Variants in EPN2 observed in about 807,000 individuals in gnomAD.
The protein encoded by EPN2 is epsin 2.
Under a neutral mutation model 61.7 loss-of-function variants are expected in EPN2, and 34 were observed. That is an observed-to-expected ratio of 0.55 (90% CI 0.42 to 0.73). The LOEUF (loss-of-function observed/expected upper bound fraction) is 0.73. Among genes scored for constraint, EPN2 ranks in the 30% least tolerant of loss-of-function variants. The pLI, the probability that EPN2 is intolerant of heterozygous loss-of-function variation, is 0.00. For missense variants in EPN2, 714 were observed against 839.2 expected, an observed-to-expected ratio of 0.85 and a Z score of 1.84; for synonymous variants, 349 against 353.6, an observed-to-expected ratio of 0.99 and a Z score of 0.15.
In EPN2 at chr17:19,313,180, A is replaced by C. The variant is rs764469123; in HGVS notation, c.1048A>C (p.Lys350Gln). ...ALPSSGPAAQ[K>Q]AEPWGPSAST... ...CCCCAGCTCGGGCCCCGCGGCCCAG[A>C]AAGCAGAGCCCTGGGGCCCGTCAGC... The change falls in exon 7 of 11, where the codon AAA becomes CAA. Residue 350 changes from lysine (K) to glutamine (Q), a missense_variant. Lys to Gln is a moderately conservative substitution (Grantham distance 53). Transcript: ENST00000314728. The C allele has an allele frequency of 3.7e-6, 6 of 1,613,474 alleles. No homozygotes were observed. The highest frequency in any genetic ancestry group is 4.2e-6 in the Non-Finnish European group (5 of 1,179,720).
At chr17:19,319,676 T>A (rs932695917) in intron 7 of EPN2, among the ~76,000 whole-genome samples, 1 of 148,654 alleles carries the variant, frequency 6.7e-6, no homozygotes, top group African/African-American at 2.5e-5. Flanking sequence ...GAGAGAAGGT[T>A]TCCCTCTGTT....
chr17:19,278,366 C>T (rs1319243873), intron 1 of EPN2, among the ~76,000 whole-genome samples: 1 of 152,116 alleles, frequency 6.6e-6, no homozygotes, highest in African/African-American at 2.4e-5. Context: ...CTTACAGTTC[C>T]ACATGCCTGG....
chr17:19,269,189 C>T (rs1268139316), intron 1 of EPN2, among the ~76,000 whole-genome samples: 2 of 152,164 alleles, frequency 1.3e-5, no homozygotes, highest in East Asian at 3.8e-4. Context: ...AGGGCTGGCT[C>T]ATACCTTTTG....
chr17:19,328,764 G>T lies in EPN2; in HGVS notation c.1201G>T (p.Val401Leu). 1 of 1,613,172 alleles carries T rather than the reference G, an allele frequency of 6.2e-7. No homozygotes were observed. Among genetic ancestry groups the T allele is most frequent in the Non-Finnish European group, 8.5e-7 (1 of 1,179,468 alleles). The change falls in exon 8 of 11, where the codon GTA becomes TTA. Residue 401 changes from valine (V) to leucine (L), a missense_variant. Val to Leu is a conservative substitution (Grantham distance 32). Around this residue, in one of 2 missense-constraint regions of EPN2, gnomAD observed 410 missense variants for 421.8 expected, o/e 0.97. Transcript: ENST00000314728. ...ATGGGGGGTGCCCACTGGAGCCACC[G>T]TACAATCTGTCCCCAAGAACTCGGA... ...DPWGVPTGAT[V>L]QSVPKNSDPW... is the part of the protein sequence containing the mutation.
At chr17:19,324,955 G>A (rs1052513555) in intron 7 of EPN2, among the ~76,000 whole-genome samples, 1 of 152,110 alleles carries the variant, frequency 6.6e-6, no homozygotes, top group Non-Finnish European at 1.5e-5. Flanking sequence ...ATTTCATGTC[G>A]GGTGAGAGGC....
chr17:19,258,252 T>C (rs1472719034), intron 1 of EPN2, among the ~76,000 whole-genome samples: 1 of 152,160 alleles, frequency 6.6e-6, no homozygotes, highest in Admixed American at 6.5e-5. Context: ...CTGCTAGCCC[T>C]GTGTGCACTT....
chr17:19,302,772 C>T (rs563029568), intron 4 of EPN2, among the ~76,000 whole-genome samples: 110 of 152,346 alleles, frequency 7.2e-4, no homozygotes, highest in Non-Finnish European at 1.4e-3. Context: ...TCCACTAAAC[C>T]AGTGTCTGGT....
chr17:19,329,385 G>A (rs926611792), intron 8 of EPN2, 176 bp from the exon 9 acceptor site: 10 of 560,240 alleles, frequency 1.8e-5, no homozygotes, highest in East Asian at 5.8e-5. Flanking sequence ...CCCTCCCAGC[G>A]TGCTGGTGAC....
At chr17:19,238,168 C>A (rs999696088) in intron 1 of EPN2, among the ~76,000 whole-genome samples, 4 of 152,206 alleles carry the variant, frequency 2.6e-5, no homozygotes, top group Non-Finnish European at 5.9e-5. Context: ...AAGAGCCAGG[C>A]TCCAGCTGCC....
At chr17:19,297,919 C>G (rs569604137) in intron 4 of EPN2, among the ~76,000 whole-genome samples, 31 of 152,200 alleles carry the variant, frequency 2.0e-4, no homozygotes, top group Non-Finnish European at 3.8e-4. Flanking sequence ...GACAGAGTCT[C>G]ACTCTGTCAC....
chr17:19,304,835 T>A (rs1905747441), intron 4 of EPN2, among the ~76,000 whole-genome samples: 1 of 152,160 alleles, frequency 6.6e-6, no homozygotes, highest in Non-Finnish European at 1.5e-5. Context: ...TTGGCTGACA[T>A]GCACAGGGTG....
chr17:19,305,511 T>G (rs1034362590), intron 4 of EPN2, among the ~76,000 whole-genome samples: 1 of 152,236 alleles, frequency 6.6e-6, no homozygotes, highest in African/African-American at 2.4e-5. Flanking sequence ...ATCAGCACTA[T>G]GTGACTGGCA....
At chr17:19,272,397 T>G (rs1258135355) in intron 1 of EPN2, among the ~76,000 whole-genome samples, 1 of 152,134 alleles carries the variant, frequency 6.6e-6, no homozygotes, top group Non-Finnish European at 1.5e-5. Context: ...TGGCTGGAAT[T>G]CTACTCCCTC....
chr17:19,295,524 C>T (rs542072352), intron 4 of EPN2, among the ~76,000 whole-genome samples: 8 of 151,902 alleles, frequency 5.3e-5, no homozygotes, highest in Non-Finnish European at 7.4e-5. Flanking sequence ...AAGAGTGAAA[C>T]TCCCTCTCAG....
intron 1 of EPN2, among the ~76,000 whole-genome samples, chr17:19,237,857 T>C (rs1464673917): frequency 6.6e-6 from 1 of 152,072 alleles, no homozygotes; most frequent in Non-Finnish European, 1.5e-5. Flanking sequence ...CCCTTACTCC[T>C]ACCTCGGATC....
intron 1 of EPN2, among the ~76,000 whole-genome samples, chr17:19,281,586 C>G (rs546301639): frequency 7.9e-5 from 12 of 152,246 alleles, no homozygotes; most frequent in Non-Finnish European, 1.5e-4. Context: ...GTGGCAGAAA[C>G]ATCTTGAGAG....
chr17:19,305,392 T>C (rs1905787284), intron 4 of EPN2, among the ~76,000 whole-genome samples: 1 of 152,134 alleles, frequency 6.6e-6, no homozygotes, highest in Non-Finnish European at 1.5e-5. Context: ...CAAAGTGCTG[T>C]GACATCATTA....
intron 3 of EPN2, among the ~76,000 whole-genome samples, chr17:19,284,691 G>C (rs1311283463): frequency 6.6e-6 from 1 of 152,230 alleles, no homozygotes; most frequent in Non-Finnish European, 1.5e-5. Context: ...CCCTTACTTA[G>C]TCAGTGTTCT....
chr17:19,289,972 C>A lies in EPN2; in HGVS notation c.766+4182C>A, dbSNP rs148449833. ...CTGACCTCAAGTGATCTGCCCAGCT[C>A]GGCCTCCCAAAGTGCTGGGATTACA... is the stretch of plus-strand genomic sequence containing the variant. On this transcript the variant is annotated intron_variant, in intron 4 of 10. Coordinates refer to ENST00000314728, the MANE Select transcript of EPN2 (RefSeq NM_014964.5). Among the ~76,000 whole-genome samples the A allele has an allele frequency of 2.1e-3, 323 of 151,906 alleles. 2 individuals are homozygous for A. The highest frequency in any genetic ancestry group is 7.4e-3 in the African/African-American group (308 of 41,412).
Sources: gnomAD v4.1 joint callset for allele counts (sites outside exome capture counted in the v4.1 genomes callset) on GRCh38, gnomAD v4.1.1 for gene constraint, gnomAD v4.1.1 regional missense constraint, MANE v1.5 for transcripts, NCBI Gene and HGNC (gene_info 2026-07-23, HGNC 2026-07-21) for gene names.